The following CERT1 variants were observed in gnomAD, a reference collection of about 807,000 sequenced individuals.
CERT1 encodes ceramide transporter 1, also known as ceramide transfer protein.
Under a neutral mutation model 87.9 loss-of-function variants are expected in CERT1, and 31 were observed. The ratio of observed to expected loss-of-function variants is 0.35; its 90% CI spans 0.27 to 0.48. CERT1 has a LOEUF of 0.48. CERT1 is among the 20% of genes least tolerant of loss of function. The probability of loss-of-function intolerance (pLI) is 0.99; values close to 1 mark genes in which losing one functional copy is unlikely to be tolerated. For missense variants in CERT1, 487 were observed against 758.0 expected (o/e 0.64, Z 4.20); for synonymous variants, 289 against 250.9 (o/e 1.15, Z -1.44).
intron 3 of CERT1, among the ~76,000 whole-genome samples, chr5:75,427,809 T>C (rs75132267): frequency 0.026 from 4,006 of 151,670 alleles, 149 homozygotes; most frequent in African/African-American, 0.087. Flanking sequence ...TAAACATCAA[T>C]TTTTTTTTAA....
In CERT1 at chr5:75,436,308, C is replaced by T. The variant is rs915619423; in HGVS notation, c.349-9830G>A. Among the ~76,000 whole-genome samples the T allele has an allele frequency of 6.6e-5, 10 of 152,324 alleles. 1 individual carries two copies. The highest frequency in any genetic ancestry group is 6.5e-4 in the Admixed American group (10 of 15,300). ...TCGGCCTCCCTAAGTGCTGGGATTA[C>T]AGGCGTGAGCCACTGCACTCGGCCA... On this transcript the variant is annotated intron_variant, in intron 3 of 16. Coordinates refer to ENST00000643780, the MANE Select transcript of CERT1 (RefSeq NM_001379029.1).
At chr5:75,468,197 C>G (rs1765553682) in intron 2 of CERT1, among the ~76,000 whole-genome samples, 1 of 152,156 alleles carries the variant, frequency 6.6e-6, no homozygotes, top group Non-Finnish European at 1.5e-5. Flanking sequence ...TTTTGAATAA[C>G]TATCCATGCA....
At chr5:75,383,063 C>CT (rs1298528244) in intron 14 of CERT1, among the ~76,000 whole-genome samples, 1 of 151,972 alleles carries the variant, frequency 6.6e-6, no homozygotes, top group Non-Finnish European at 1.5e-5. Flanking sequence ...ACACTATAGA[C>CT]TTTGAGTCTA....
intron 13 of CERT1, 84 bp downstream of exon 13, chr5:75,385,818 T>G: frequency 8.6e-6 from 9 of 1,050,816 alleles, no homozygotes; most frequent in Non-Finnish European, 1.1e-5. Context: ...CTTTGTAAAC[T>G]ATGTAGGAGA....
chr5:75,436,802 G>A (rs1361490394), intron 3 of CERT1, among the ~76,000 whole-genome samples: 3 of 151,960 alleles, frequency 2.0e-5, no homozygotes, highest in Non-Finnish European at 4.4e-5. Flanking sequence ...ACAGGGTATC[G>A]CTCTGTTACC....
intron 2 of CERT1, among the ~76,000 whole-genome samples, chr5:75,470,941 A>G (rs879634751): frequency 2.6e-5 from 4 of 152,286 alleles, no homozygotes; most frequent in Middle Eastern, 6.8e-3. Flanking sequence ...ATACACTAAC[A>G]ATGAACTATC....
At chr5:75,469,237 G>T (rs781613538) in intron 2 of CERT1, among the ~76,000 whole-genome samples, 6 of 151,992 alleles carry the variant, frequency 3.9e-5, no homozygotes, top group Non-Finnish European at 5.9e-5. Flanking sequence ...GAACTTGAAG[G>T]CAGGTTATTT....
chr5:75,426,266 T>C lies in CERT1; in HGVS notation c.456+105A>G, dbSNP rs1482298430. The C allele has an allele frequency of 6.2e-6, 4 of 644,448 alleles. No individual in the cohort carries two copies. The African/African-American group carries it at 7.3e-5, about 12-fold the overall frequency. The allele number at this position is 644,448 out of a possible 1,614,324, so 39.9% of individuals were successfully genotyped here. A position where few individuals can be genotyped will look rare whatever the true frequency, so the allele number is the denominator to read the frequency against. Reference sequence around the variant, plus strand: ...TCTAATAACTTCAAATAAATTATACTATAAAAAAGTTTGTTCAAAAAATTA... The same window carrying C: ...TCTAATAACTTCAAATAAATTATACCATAAAAAAGTTTGTTCAAAAAATTA... On this transcript the variant is annotated intron_variant, in intron 4 of 16. Transcript: ENST00000643780.
chr5:75,465,161 T>G (rs1765406760), intron 2 of CERT1, among the ~76,000 whole-genome samples: 2 of 152,310 alleles, frequency 1.3e-5, no homozygotes, highest in South Asian at 4.1e-4. Context: ...TTTCAAGTTT[T>G]CAACTTGCTT....
chr5:75,494,515 C>T (rs948138460), intron 2 of CERT1, among the ~76,000 whole-genome samples: 2 of 152,174 alleles, frequency 1.3e-5, no homozygotes, highest in African/African-American at 4.8e-5. Context: ...CAAGACCAGA[C>T]ACCCACGATT....
downstream of CERT1, chr5:75,372,978 C>CTATTCCTT (rs2111950429): frequency 6.6e-6 from 1 of 152,338 alleles, no homozygotes; most frequent in South Asian, 2.1e-4. Context: ...TCAGTGAGTA[C>CTATTCCTT]TATTCCTTGC....
chr5:75,485,312 CA>C (rs757349878), intron 2 of CERT1, among the ~76,000 whole-genome samples: 2,877 of 46,350 alleles, frequency 0.062, 17 homozygotes, highest in East Asian at 0.14. Context: ...CACAAAAATA[CA>C]AAAAAAAAAA....
At chr5:75,409,180 ATT>A (rs761197717) in intron 8 of CERT1, among the ~76,000 whole-genome samples, 18 of 152,184 alleles carry the variant, frequency 1.2e-4, no homozygotes, top group Non-Finnish European at 2.1e-4. Context: ...TAGCAAAATA[ATT>A]TGTTTAGTTT....
intron 5 of CERT1, among the ~76,000 whole-genome samples, chr5:75,420,198 C>T (rs184806775): frequency 4.7e-4 from 72 of 151,834 alleles, no homozygotes; most frequent in African/African-American, 1.6e-3. Context: ...AGGCTGGTTT[C>T]GAAACTCCTG....
chr5:75,420,143 A>C (rs1462373147), intron 5 of CERT1, among the ~76,000 whole-genome samples: 1 of 151,368 alleles, frequency 6.6e-6, no homozygotes, highest in Non-Finnish European at 1.5e-5. Flanking sequence ...CAGCCAGCTA[A>C]TATTTTTGTA....
intron 16 of CERT1, 22 bp downstream of exon 16, chr5:75,381,050 G>A: frequency 6.2e-7 from 1 of 1,612,038 alleles, no homozygotes; most frequent in Non-Finnish European, 8.5e-7. Context: ...TTATCAAAGA[G>A]CAAAAACAAT....
intron 2 of CERT1, among the ~76,000 whole-genome samples, chr5:75,460,884 T>C (rs1431702591): frequency 6.6e-6 from 1 of 152,180 alleles, no homozygotes; most frequent in Non-Finnish European, 1.5e-5. Context: ...ATTTCCTGAA[T>C]CAGTATGTGC....
At chr5:75,396,965 C>T (rs1284638824) in intron 11 of CERT1, among the ~76,000 whole-genome samples, 1 of 151,770 alleles carries the variant, frequency 6.6e-6, no homozygotes, top group African/African-American at 2.4e-5. Flanking sequence ...ATATTAACTC[C>T]AGATCTACAT....
intron 3 of CERT1, among the ~76,000 whole-genome samples, chr5:75,442,439 T>C (rs865828236): frequency 7.2e-5 from 11 of 152,206 alleles, no homozygotes; most frequent in South Asian, 2.1e-4. Flanking sequence ...CAGTCTGGTC[T>C]TAAAGTCCTG....
Sources: gnomAD v4.1 joint callset for allele counts (sites outside exome capture counted in the v4.1 genomes callset) on GRCh38, gnomAD v4.1.1 for gene constraint, MANE v1.5 for transcripts, NCBI Gene and HGNC (gene_info 2026-07-23, HGNC 2026-07-21) for gene names.